KLRD1: variants seen among roughly 807,000 people sequenced by gnomAD.
The protein encoded by KLRD1 is natural killer cells antigen CD94.
A neutral mutation model predicts 22.6 loss-of-function variants in KLRD1; 21 were observed. That is an observed-to-expected ratio of 0.93 (90% CI 0.66 to 1.34). KLRD1 has a LOEUF of 1.34. KLRD1 is among the 40% of genes most tolerant of loss of function. The pLI is 0.00. For missense variants in KLRD1, 183 were observed against 208.6 expected (o/e 0.88, Z 0.76); for synonymous variants, 59 against 71.1 (o/e 0.83, Z 0.85).
chr12:10,295,600 T>C (rs946214515), intron 1 of KLRD1, among the ~76,000 whole-genome samples: 2 of 152,218 alleles, frequency 1.3e-5, no homozygotes, highest in African/African-American at 4.8e-5. Flanking sequence ...ATCTGGTCAA[T>C]ACTTGTACTT....
chr12:10,296,221 T>C (rs1565463047), intron 1 of KLRD1, among the ~76,000 whole-genome samples: 2 of 152,042 alleles, frequency 1.3e-5, no homozygotes, highest in Non-Finnish European at 2.9e-5. Context: ...GAATCTCTAA[T>C]AACATACAAA....
chr12:10,306,202 CAG>C (rs944460945), upstream of KLRD1, among the ~76,000 whole-genome samples: 2 of 151,712 alleles, frequency 1.3e-5, no homozygotes, highest in African/African-American at 4.8e-5. Context: ...AAAGAACAAT[CAG>C]AGTTGGCAGC....
At chr12:10,303,560 G>A (rs73251088), upstream of KLRD1, among the ~76,000 whole-genome samples, 2,509 of 152,224 alleles carry the variant, frequency 0.016, 59 homozygotes, top group African/African-American at 0.058. Context: ...CTTTACAGAT[G>A]TAATTTTCCT....
chr12:10,276,617 G>C (rs566346549), intron 1 of KLRD1, among the ~76,000 whole-genome samples: 2 of 150,572 alleles, frequency 1.3e-5, no homozygotes. Flanking sequence ...CAACCTCCCC[G>C]TCCCAGGTTC....
intron 1 of KLRD1, among the ~76,000 whole-genome samples, chr12:10,258,478 G>A (rs1280494625): frequency 6.6e-6 from 1 of 152,082 alleles, no homozygotes; most frequent in Non-Finnish European, 1.5e-5. Context: ...ACAATAATTG[G>A]GAATTCAACC....
chr12:10,262,889 T>C (rs1196917950), intron 1 of KLRD1, among the ~76,000 whole-genome samples: 1 of 152,084 alleles, frequency 6.6e-6, no homozygotes, highest in Non-Finnish European at 1.5e-5. Flanking sequence ...TTATGAAATA[T>C]ATTTATGAGT....
rs1950186594 is a variant in KLRD1, at chr12:10,314,853, G to A, written c.*60G>A. 3.4e-6 allele frequency: 5 copies of A among 1,457,676 alleles called. No homozygotes were observed. The highest frequency in any genetic ancestry group is 4.7e-6 in the Non-Finnish European group (5 of 1,071,594). The allele number at this position is 1,457,676 out of a possible 1,614,324, so 90.3% of individuals were successfully genotyped here. Reference sequence around the variant, plus strand: ...ACCCAACATTACTAACAATGATACAGTTGCATGTTATATTATTACTAATTG... The same window carrying A: ...ACCCAACATTACTAACAATGATACAATTGCATGTTATATTATTACTAATTG... On this transcript the variant is annotated 3_prime_UTR_variant, in exon 6 of 6. Transcript: ENST00000336164.
intron 1 of KLRD1, among the ~76,000 whole-genome samples, chr12:10,289,207 C>T (rs2137664780): frequency 6.6e-6 from 1 of 152,250 alleles, no homozygotes; most frequent in Non-Finnish European, 1.5e-5. Context: ...CCCTAAAGGC[C>T]ACCCAACAGT....
In KLRD1 at chr12:10,248,859, A is replaced by G. The variant is rs549504254; in HGVS notation, c.-101+22626A>G. Among the ~76,000 whole-genome samples the G allele has an allele frequency of 2.6e-5, 4 of 151,562 alleles. 1 individual carries two copies. Among genetic ancestry groups the G allele is most frequent in the African/African-American group, 9.7e-5 (4 of 41,316 alleles). On this transcript the variant is annotated intron_variant, in intron 1 of 5. Coordinates refer to the KLRD1 transcript ENST00000544747. ...GTGATCCACCCACCTCGGCCTCCCA[A>G]TGTGTTGGGATTACAGGCGTGAGCC...
Position 10,265,217 on chromosome 12 carries a change from T to C in KLRD1, c.-101+38984T>C, listed in dbSNP as rs1452339042. 3.3e-5 allele frequency among the ~76,000 whole-genome samples: 5 copies of C among 152,018 alleles called. No individual in the cohort carries two copies. The South Asian group carries it at 6.2e-4, about 19-fold the overall frequency. ...AATATCTGTCATTTTGAGGAACTTA[T>C]TTTATCATATTATATATAGACATAC... On this transcript the variant is annotated intron_variant, in intron 1 of 5. Transcript: ENST00000544747.
chr12:10,272,728 T>A (rs1171520060), intron 1 of KLRD1, among the ~76,000 whole-genome samples: 4 of 152,234 alleles, frequency 2.6e-5, no homozygotes, highest in Non-Finnish European at 5.9e-5. Flanking sequence ...ACAGTAAGGC[T>A]AATATGTAAA....
At chr12:10,313,333 C>G in intron 4 of KLRD1, 77 bp from the exon 5 acceptor site, 1 of 775,702 alleles carries the variant, frequency 1.3e-6, no homozygotes, top group Non-Finnish European at 2.1e-6. Context: ...ATTCTAAACA[C>G]TGACTTTCCC....
At chr12:10,263,864 T>G (rs536690194) in intron 1 of KLRD1, among the ~76,000 whole-genome samples, 10 of 152,238 alleles carry the variant, frequency 6.6e-5, no homozygotes, top group Non-Finnish European at 1.5e-4. Flanking sequence ...ATATTGTCAC[T>G]AGTTTTCCAT....
chr12:10,292,369 A>C (rs1426633464), intron 1 of KLRD1, among the ~76,000 whole-genome samples: 1 of 152,210 alleles, frequency 6.6e-6, no homozygotes, highest in African/African-American at 2.4e-5. Context: ...AATAAATACA[A>C]AATGTATATC....
At chr12:10,293,169 C>CATATATATATATATATATATATATAT (rs1565462121) in intron 1 of KLRD1, among the ~76,000 whole-genome samples, 1 of 19,666 alleles carries the variant, frequency 5.1e-5, no homozygotes, top group Non-Finnish European at 1.4e-4. Context: ...TATATATATA[C>CATATATATATATATATATATATATAT]ACATATACAC....
intron 1 of KLRD1, among the ~76,000 whole-genome samples, chr12:10,240,308 G>A (rs1039158447): frequency 8.6e-5 from 13 of 151,984 alleles, no homozygotes; most frequent in African/African-American, 2.4e-4. Context: ...CGATCTGCCC[G>A]CTTCTGCCTC....
chr12:10,249,405 C>T (rs1368521230), intron 1 of KLRD1, among the ~76,000 whole-genome samples: 1 of 152,138 alleles, frequency 6.6e-6, no homozygotes, highest in African/African-American at 2.4e-5. Context: ...CATTCAATCC[C>T]TAGAAAAACC....
chr12:10,251,932 T>A (rs1949350182), intron 1 of KLRD1, among the ~76,000 whole-genome samples: 2 of 152,164 alleles, frequency 1.3e-5, no homozygotes, highest in Non-Finnish European at 2.9e-5. Context: ...CACCTCCTGC[T>A]GTGCTCCAGG....
chr12:10,239,902 A>G lies in KLRD1; in HGVS notation c.-101+13669A>G, dbSNP rs138705917. On this transcript the variant is annotated intron_variant, in intron 1 of 5. Transcript: ENST00000544747. ...AGTGATCCGCCCGCCTCAGCCTTCC[A>G]AAGTGTTGGGATTACAGACGTGAGC... Among the ~76,000 whole-genome samples the G allele has an allele frequency of 3.5e-3, 530 of 152,002 alleles. 3 individuals are homozygous for G. Among genetic ancestry groups the G allele is most frequent in the African/African-American group, 0.012 (487 of 41,440 alleles).
Sources: gnomAD v4.1 joint callset for allele counts (sites outside exome capture counted in the v4.1 genomes callset) on GRCh38, gnomAD v4.1.1 for gene constraint, MANE v1.5 for transcripts, NCBI Gene and HGNC (gene_info 2026-07-23, HGNC 2026-07-21) for gene names.